Variants in PHIP observed in about 807,000 individuals in gnomAD.
The protein encoded by PHIP is PH-interacting protein.
PHIP carries 54 observed loss-of-function variants against 236.8 expected under a neutral mutation model. That is an observed-to-expected ratio of 0.23 (90% CI 0.18 to 0.29). PHIP has a LOEUF of 0.29. Ranked by LOEUF, PHIP falls within the 10% of genes least tolerant of loss-of-function variation. PHIP has a pLI of 1.00. For synonymous variants in PHIP, 756 were observed against 718.9 expected, an observed-to-expected ratio of 1.05 and a Z score of -0.83; for missense variants, 1,370 against 2,190.8, an observed-to-expected ratio of 0.63 and a Z score of 7.48.
In PHIP at chr6:79,006,380, C is replaced by CTGGTTTTAAAATGTA. The variant is rs529327144; in HGVS notation, c.1525-2537_1525-2523dup. On this transcript the variant is annotated intron_variant, in intron 15 of 39. Transcript: ENST00000275034. ...TCTATATTAACTAAAAATAGCCTAA[C>CTGGTTTTAAAATGTA]TGGTTTTAAAATGTATGGTACGATT... Among the ~76,000 whole-genome samples, 97 of 152,048 alleles carry CTGGTTTTAAAATGTA rather than the reference C, an allele frequency of 6.4e-4. 1 individual carries two copies. The South Asian group carries it at 8.1e-3, about 13-fold the overall frequency.
chr6:79,068,662 G>A (rs9968921), intron 4 of PHIP, among the ~76,000 whole-genome samples: 16,111 of 152,096 alleles, frequency 0.11, 890 homozygotes, highest in Middle Eastern at 0.19. Context: ...GAAGCAGTTA[G>A]TACTGTACCT....
intron 6 of PHIP, 133 bp downstream of exon 6, chr6:79,060,345 C>A: frequency 3.6e-6 from 2 of 554,278 alleles, no homozygotes; most frequent in South Asian, 3.4e-5. Context: ...GAAAAAAAAT[C>A]TATTTTTTTC....
Position 78,947,628 on chromosome 6 carries a change from A to G in PHIP, c.4201T>C (p.Ser1401Pro). 7.1e-7 allele frequency: 1 copy of G among 1,402,344 alleles called. No individual in the cohort carries two copies. The highest frequency in any genetic ancestry group is 1.0e-6 in the Non-Finnish European group (1 of 994,470). 86.9% of individuals were successfully genotyped at this position (1,402,344 alleles called of 1,614,324 possible). A position where few individuals can be genotyped will look rare whatever the true frequency, so the allele number is the denominator to read the frequency against. Residue 1401 changes from serine (S) to proline (P), a missense_variant, in exon 36 of 40, where the codon TCA (serine) becomes CCA (proline). Coordinates refer to ENST00000275034, the MANE Select transcript of PHIP (RefSeq NM_017934.7). ...NSKAYTPSKRSRIYSMSLRLS... is the reference protein window; with the variant it reads ...NSKAYTPSKRPRIYSMSLRLS... The stretch of plus-strand genomic sequence containing the variant: ...AAAATAATGTAATTATATACCCTTG[A>G]TCTTTTGCTTGGTGTATATGCTTTG...
chr6:78,992,917 T>C (rs1582185160), intron 19 of PHIP, among the ~76,000 whole-genome samples: 1 of 152,176 alleles, frequency 6.6e-6, no homozygotes, highest in East Asian at 1.9e-4. Context: ...TAAAGGCATG[T>C]CAAAATCTGA....
At chr6:78,988,896 C>A (rs1769037587) in intron 20 of PHIP, among the ~76,000 whole-genome samples, 1 of 151,882 alleles carries the variant, frequency 6.6e-6, no homozygotes, top group African/African-American at 2.4e-5. Flanking sequence ...AATTGGAAAC[C>A]AAAATGGGGA....
chr6:79,073,600 T>G (rs921290968), intron 4 of PHIP, among the ~76,000 whole-genome samples: 2 of 152,170 alleles, frequency 1.3e-5, no homozygotes, highest in African/African-American at 4.8e-5. Context: ...GTCTCTAGGT[T>G]TTATACCTTA....
intron 6 of PHIP, among the ~76,000 whole-genome samples, chr6:79,057,487 A>G (rs1007375131): frequency 6.6e-6 from 1 of 152,154 alleles, no homozygotes; most frequent in African/African-American, 2.4e-5. Context: ...ACTTCTCAGT[A>G]AATAATTTCT....
intron 4 of PHIP, among the ~76,000 whole-genome samples, chr6:79,072,677 G>A (rs1773948648): frequency 6.6e-6 from 1 of 151,734 alleles, no homozygotes. Flanking sequence ...TTGTAGAGAT[G>A]GGGTTTTCCA....
Position 78,970,766 on chromosome 6 carries a change from A to G in PHIP, c.2997+15T>C. 6.7e-7 allele frequency: 1 copy of G among 1,488,338 alleles called. No homozygotes were observed. Among genetic ancestry groups the G allele is most frequent in the Admixed American group, 1.9e-5 (1 of 52,140 alleles). The allele number at this position is 1,488,338 out of a possible 1,614,324, so 92.2% of individuals were successfully genotyped here. On this transcript the variant is annotated intron_variant, in intron 25 of 39. Coordinates refer to ENST00000275034, the MANE Select transcript of PHIP (RefSeq NM_017934.7). ...TGTATTTTTGGGGCTATTAAATAAT[A>G]AATCAATGTCATACCCGTAGCTCCA...
At chr6:79,041,368 TTA>T (rs1163182466) in intron 7 of PHIP, among the ~76,000 whole-genome samples, 4 of 152,034 alleles carry the variant, frequency 2.6e-5, no homozygotes, top group African/African-American at 9.7e-5. Context: ...TTCCAGGAGA[TTA>T]TATGTCTAAT....
chr6:78,955,524 T>A, intron 33 of PHIP, 89 bp downstream of exon 33: 1 of 581,312 alleles, frequency 1.7e-6, no homozygotes, highest in Non-Finnish European at 3.1e-6. Context: ...AAAATAATGT[T>A]CACAACAGCT....
intron 9 of PHIP, among the ~76,000 whole-genome samples, chr6:79,020,776 T>C (rs1213056329): frequency 1.3e-5 from 2 of 152,256 alleles, no homozygotes; most frequent in African/African-American, 4.8e-5. Context: ...TCTCGTTCTG[T>C]GGCCCAGGCT....
At position 78,963,109 on chromosome 6, in the gene PHIP, A is replaced by G; in HGVS notation, c.3523T>C (p.Leu1175=). 1 of 1,598,316 alleles carries G rather than the reference A, an allele frequency of 6.3e-7. No individual in the cohort carries two copies. The highest frequency in any genetic ancestry group is 8.5e-7 in the Non-Finnish European group (1 of 1,174,096). ...CERIVAGINQ[L]MTLDIASAFV... ...TTGCTTTACTTACCTAGTGTCATCAACTGGTTTATTCCTGCCACAATTCTT... is the reference window on the plus strand; with the variant it reads ...TTGCTTTACTTACCTAGTGTCATCAGCTGGTTTATTCCTGCCACAATTCTT... The change falls in exon 30 of 40, where the codon TTG becomes CTG. Residue 1175 remains leucine, a synonymous_variant. Coordinates refer to ENST00000275034, the MANE Select transcript of PHIP (RefSeq NM_017934.7).
At chr6:79,022,144 T>A (rs1390461415) in intron 9 of PHIP, among the ~76,000 whole-genome samples, 1 of 152,214 alleles carries the variant, frequency 6.6e-6, no homozygotes. Context: ...CGAGTTCAGT[T>A]TCTAGGTCTA....
chr6:79,031,081 T>A (rs1015443315), intron 7 of PHIP, among the ~76,000 whole-genome samples: 5 of 152,182 alleles, frequency 3.3e-5, no homozygotes, highest in African/African-American at 9.6e-5. Flanking sequence ...ATAGCTGGAA[T>A]TACAGGCGTC....
intron 17 of PHIP, among the ~76,000 whole-genome samples, chr6:78,998,758 C>A (rs985919978): frequency 6.6e-6 from 1 of 152,042 alleles, no homozygotes; most frequent in African/African-American, 2.4e-5. Context: ...AGGTTTTCCA[C>A]TTAGATCATG....
At position 79,064,797 on chromosome 6, in the gene PHIP, CT is replaced by C. The variant is rs373612019; in HGVS notation, c.190-3980del. Among the ~76,000 whole-genome samples, 105 of 152,286 alleles carry C rather than the reference CT, an allele frequency of 6.9e-4. 2 individuals carry two copies. In the South Asian group the frequency reaches 0.021, roughly 31 times the overall value. ...CTTTTCTTCTCACTATATACTCTCT[CT>C]TTGGACAATTGTTATAACAATGATT... On this transcript the variant is annotated intron_variant, in intron 4 of 39. Transcript: ENST00000275034.
chr6:79,015,523 C>G (rs1770794806), intron 14 of PHIP, 107 bp downstream of exon 14: 2 of 843,050 alleles, frequency 2.4e-6, no homozygotes, highest in Non-Finnish European at 3.7e-6. Flanking sequence ...GTTACCCCAG[C>G]AAGCAAGAGT....
At chr6:78,973,306 A>C (rs981058294) in intron 24 of PHIP, among the ~76,000 whole-genome samples, 1,579 of 151,006 alleles carry the variant, frequency 0.01, 16 homozygotes, top group African/African-American at 0.03. Context: ...GAAATAAAAT[A>C]CTTTACAGAC....
Sources: gnomAD v4.1 joint callset for allele counts (sites outside exome capture counted in the v4.1 genomes callset) on GRCh38, gnomAD v4.1.1 for gene constraint, MANE v1.5 for transcripts, NCBI Gene and HGNC (gene_info 2026-07-23, HGNC 2026-07-21) for gene names.